Variants in MTAP observed in about 807,000 individuals in gnomAD.
MTAP encodes the protein S-methyl-5'-thioadenosine phosphorylase.
Under a neutral mutation model 33.6 loss-of-function variants are expected in MTAP, and 33 were observed. That is an observed-to-expected ratio of 0.98 (90% CI 0.74 to 1.31). MTAP has a LOEUF of 1.31. MTAP is among the 40% of genes most tolerant of loss of function. The probability of loss-of-function intolerance (pLI) is 0.00; values close to 1 mark genes in which losing one functional copy is unlikely to be tolerated. For synonymous variants in MTAP, 148 were observed against 125.7 expected, an observed-to-expected ratio of 1.18 and a Z score of -1.19; for missense variants, 367 against 360.0, an observed-to-expected ratio of 1.02 and a Z score of -0.16.
At chr9:21,925,679 A>G (rs926577888) in intron 1 of MTAP, among the ~76,000 whole-genome samples, 19 of 152,220 alleles carry the variant, frequency 1.2e-4, no homozygotes, top group African/African-American at 4.6e-4. Context: ...CTGGAAATGG[A>G]ACTGCCCTGA....
intron 1 of MTAP, among the ~76,000 whole-genome samples, chr9:21,915,993 GC>G (rs1197242038): frequency 6.7e-6 from 1 of 148,346 alleles, no homozygotes; most frequent in East Asian, 2.0e-4. Flanking sequence ...TGACACCACA[GC>G]ACTCCAGCCT....
At chr9:21,916,122 G>GGAAGGAAGGAAAGAAGGAA (rs1296578788) in intron 1 of MTAP, among the ~76,000 whole-genome samples, 1 of 123,006 alleles carries the variant, frequency 8.1e-6, no homozygotes, top group African/African-American at 3.1e-5. Flanking sequence ...GAAGGAAGGA[G>GGAAGGAAGGAAAGAAGGAA]GGAGGGAAGG....
intron 4 of MTAP, among the ~76,000 whole-genome samples, chr9:21,832,401 C>G (rs946847159): frequency 6.6e-6 from 1 of 152,254 alleles, no homozygotes; most frequent in African/African-American, 2.4e-5. Flanking sequence ...ACGCAAGAAG[C>G]CTTTGTTTAG....
chr9:21,920,243 A>T (rs577071367), intron 1 of MTAP, among the ~76,000 whole-genome samples: 2 of 152,292 alleles, frequency 1.3e-5, no homozygotes, highest in East Asian at 3.9e-4. Context: ...TCAAGAAAAA[A>T]TTAGCCCATG....
chr9:21,811,654 T>C (rs1824352686), intron 1 of MTAP: 1 of 524,606 alleles, frequency 1.9e-6, no homozygotes, highest in East Asian at 5.5e-5. Context: ...ACTCAAACTC[T>C]TCCTCCTCAG....
chr9:21,898,751 G>T (rs1818338809), intron 1 of MTAP, among the ~76,000 whole-genome samples: 1 of 152,184 alleles, frequency 6.6e-6, no homozygotes, highest in Admixed American at 6.5e-5. Flanking sequence ...TGGAGAGGAT[G>T]TGGAGAAATA....
chr9:21,915,051 CCTTCCTTT>C lies in MTAP; in HGVS notation c.148-15953_148-15946del, dbSNP rs1479694916. ...TCCTTCCTTCCTTCCTTCCTTCCTT[CCTTCCTTT>C]CTTTCTTTCTTTCTTTCTTTCTTTC... On this transcript the variant is annotated intron_variant, in intron 1 of 1. Transcript: ENST00000577563. Among the ~76,000 whole-genome samples, 259 of 36,472 alleles carry C rather than the reference CCTTCCTTT, an allele frequency of 7.1e-3. 3 individuals carry two copies. The highest frequency in any genetic ancestry group is 0.011 in the South Asian group (10 of 918). 23.9% of individuals were successfully genotyped at this position (36,472 alleles called of 152,430 possible). A position where few individuals can be genotyped will look rare whatever the true frequency, so the allele number is the denominator to read the frequency against.
chr9:21,887,591 T>C (rs918318371), intron 1 of MTAP, among the ~76,000 whole-genome samples: 22 of 152,356 alleles, frequency 1.4e-4, no homozygotes, highest in African/African-American at 4.8e-4. Context: ...TGTGTCTTTA[T>C]AGCAGCATGA....
intron 4 of MTAP, among the ~76,000 whole-genome samples, chr9:21,834,001 T>G (rs1037873147): frequency 3.9e-5 from 6 of 152,064 alleles, no homozygotes; most frequent in African/African-American, 1.5e-4. Flanking sequence ...CATAGGCTGT[T>G]TTTTTTTATT....
chr9:21,871,272 A>T (rs1825932747), downstream of MTAP, among the ~76,000 whole-genome samples: 1 of 152,204 alleles, frequency 6.6e-6, no homozygotes, highest in Non-Finnish European at 1.5e-5. Context: ...TTCAGCAGCC[A>T]CACTTGGCTA....
chr9:21,816,134 C>G (rs1371202690), intron 2 of MTAP, among the ~76,000 whole-genome samples: 1 of 152,170 alleles, frequency 6.6e-6, no homozygotes, highest in Non-Finnish European at 1.5e-5. Context: ...TAAGATCTCT[C>G]TATCTGGCTG....
chr9:21,838,135 A>G (rs1825155664), intron 5 of MTAP, 125 bp downstream of exon 5: 1 of 699,652 alleles, frequency 1.4e-6, no homozygotes, highest in Non-Finnish European at 2.5e-6. Context: ...TGTATTATGC[A>G]AAGTTTTATG....
chr9:21,840,409 C>G (rs1825214817), intron 5 of MTAP, among the ~76,000 whole-genome samples: 1 of 152,120 alleles, frequency 6.6e-6, no homozygotes, highest in Non-Finnish European at 1.5e-5. Flanking sequence ...GCAAAACAGG[C>G]AAGAAACTGA....
intron 1 of MTAP, among the ~76,000 whole-genome samples, chr9:21,909,613 A>G (rs1307105863): frequency 2.6e-5 from 4 of 152,186 alleles, no homozygotes; most frequent in Non-Finnish European, 5.9e-5. Context: ...TAAGCTAATA[A>G]GTAAGCCTAG....
chr9:21,854,979 A>C, intron 6 of MTAP, 109 bp downstream of exon 6: 1 of 1,417,018 alleles, frequency 7.1e-7, no homozygotes, highest in South Asian at 1.4e-5. Flanking sequence ...CCTTTCTACA[A>C]GGTTTTGAAG....
At chr9:21,907,341 G>A (rs1319550624) in intron 1 of MTAP, among the ~76,000 whole-genome samples, 1 of 152,220 alleles carries the variant, frequency 6.6e-6, no homozygotes, top group Non-Finnish European at 1.5e-5. Flanking sequence ...CAGATTGCTT[G>A]AGCTCAGGAG....
At chr9:21,804,806 A>G (rs1382533595) in intron 1 of MTAP, among the ~76,000 whole-genome samples, 1 of 152,234 alleles carries the variant, frequency 6.6e-6, no homozygotes, top group Non-Finnish European at 1.5e-5. Flanking sequence ...AAGGTCAGCT[A>G]AGTATCCAGA....
At chr9:21,849,033 A>T (rs1825446877) in intron 5 of MTAP, among the ~76,000 whole-genome samples, 1 of 152,186 alleles carries the variant, frequency 6.6e-6, no homozygotes, top group Admixed American at 6.5e-5. Context: ...ATTCCTACTT[A>T]ATTTACATAA....
At chr9:21,813,524 A>G (rs1824402953) in intron 1 of MTAP, among the ~76,000 whole-genome samples, 1 of 152,152 alleles carries the variant, frequency 6.6e-6, no homozygotes, top group Non-Finnish European at 1.5e-5. Context: ...TTTCTCAACA[A>G]CTGCTACAAT....
Sources: gnomAD v4.1 joint callset for allele counts (sites outside exome capture counted in the v4.1 genomes callset) on GRCh38, gnomAD v4.1.1 for gene constraint, MANE v1.5 for transcripts, NCBI Gene and HGNC (gene_info 2026-07-23, HGNC 2026-07-21) for gene names.